UGGT2: variants seen among roughly 807,000 people sequenced by gnomAD.
UGGT2 encodes the protein UDP-glucose:glycoprotein glucosyltransferase 2.
A neutral mutation model predicts 192.1 loss-of-function variants in UGGT2; 180 were observed. That is an observed-to-expected ratio of 0.94 (90% CI 0.83 to 1.06). The LOEUF (loss-of-function observed/expected upper bound fraction) is 1.06. Among genes scored for constraint, UGGT2 ranks in the 50% least tolerant of loss-of-function variants. The probability of loss-of-function intolerance (pLI) is 0.00; values close to 1 mark genes in which losing one functional copy is unlikely to be tolerated. For missense variants in UGGT2, 1,849 were observed against 1,795.7 expected (o/e 1.03, Z -0.54); for synonymous variants, 580 against 591.0 (o/e 0.98, Z 0.27).
chr13:95,892,226 T>C (rs953514640), intron 24 of UGGT2, among the ~76,000 whole-genome samples: 8 of 152,154 alleles, frequency 5.3e-5, no homozygotes, highest in African/African-American at 1.9e-4. Flanking sequence ...TGAAGTTGTA[T>C]GAAGCAGAAT....
In UGGT2 at chr13:95,880,386, G is replaced by C. The variant is rs529610406; in HGVS notation, c.3229-2530C>G. 2.0e-5 allele frequency among the ~76,000 whole-genome samples: 3 copies of C among 152,314 alleles called. No individual in the cohort carries two copies. The East Asian group carries it at 5.8e-4, about 29-fold the overall frequency. On this transcript the variant is annotated intron_variant, in intron 27 of 38. Transcript: ENST00000376747. ...TATCTGATAGTGGAGATGGATAAAT[G>C]ATAGTACATCTTTTTCTTGCATCTT...
At chr13:95,967,099 C>A (rs1487789493) in intron 12 of UGGT2, among the ~76,000 whole-genome samples, 1 of 151,458 alleles carries the variant, frequency 6.6e-6, no homozygotes, top group African/African-American at 2.4e-5. Context: ...TGATAGTTTC[C>A]AGGAGAGAAA....
intron 15 of UGGT2, among the ~76,000 whole-genome samples, chr13:95,941,561 C>T (rs974704070): frequency 6.6e-6 from 1 of 151,948 alleles, no homozygotes; most frequent in East Asian, 1.9e-4. Context: ...CTGAATAAAG[C>T]AAAAGATAAA....
intron 29 of UGGT2, among the ~76,000 whole-genome samples, chr13:95,874,946 C>T (rs1891538251): frequency 6.6e-6 from 1 of 152,158 alleles, no homozygotes; most frequent in Non-Finnish European, 1.5e-5. Context: ...CCACCTTGGC[C>T]TCCCAAAGTG....
intron 20 of UGGT2, among the ~76,000 whole-genome samples, chr13:95,908,582 A>C (rs2048368355): frequency 1.3e-5 from 2 of 151,580 alleles, no homozygotes; most frequent in Admixed American, 1.3e-4. Context: ...AAGTGTTCCT[A>C]TTTCTCCACA....
rs12583165 is a variant in UGGT2 at position 95,912,764 on chromosome 13, C to G, written c.2296-9704G>C. Among the ~76,000 whole-genome samples, 26 of 152,142 alleles carry G rather than the reference C, an allele frequency of 1.7e-4. No homozygotes were observed. The East Asian group carries it at 4.4e-3, about 26-fold the overall frequency. On this transcript the variant is annotated intron_variant, in intron 20 of 38. Coordinates refer to ENST00000376747, the MANE Select transcript of UGGT2 (RefSeq NM_020121.4). Reference sequence around the variant, plus strand: ...TTAAAGTTCATATGGAACCAAAAAACAGCCTGCATTGCCAAGACAATCCTA... The same window carrying G: ...TTAAAGTTCATATGGAACCAAAAAAGAGCCTGCATTGCCAAGACAATCCTA...
Position 95,823,414 on chromosome 13 carries a change from G to C in UGGT2, c.4528+9513C>G, listed in dbSNP as rs147301849. On this transcript the variant is annotated intron_variant, in intron 38 of 38. Transcript: ENST00000376747. ...GTTGCTATTTTATTTGTTGGGTCTAGTAGTAACTGTTTTATAAATATGAGA... is the reference window on the plus strand; with the variant it reads ...GTTGCTATTTTATTTGTTGGGTCTACTAGTAACTGTTTTATAAATATGAGA... Among the ~76,000 whole-genome samples, 6 of 152,104 alleles carry C rather than the reference G, an allele frequency of 3.9e-5. No homozygotes were observed. The East Asian group carries it at 1.2e-3, about 29-fold the overall frequency.
intron 17 of UGGT2, among the ~76,000 whole-genome samples, chr13:95,936,176 G>A (rs1216945714): frequency 1.3e-5 from 2 of 152,166 alleles, no homozygotes; most frequent in African/African-American, 2.4e-5. Flanking sequence ...TCAAAAGACT[G>A]GTTTTCAAGC....
At chr13:95,853,690 G>T in intron 35 of UGGT2, 33 bp from the exon 36 acceptor site, 1 of 1,460,606 alleles carries the variant, frequency 6.8e-7, no homozygotes, top group Non-Finnish European at 9.2e-7. Flanking sequence ...GATAGCCTAT[G>T]TTGTTTATGT....
intron 7 of UGGT2, chr13:95,991,425 A>G: frequency 2.2e-6 from 1 of 451,802 alleles, no homozygotes; most frequent in Non-Finnish European, 4.4e-6. Context: ...AACTGGTGTG[A>G]GATGGTGTCT....
chr13:95,804,419 T>C (rs1214432668), intron 38 of UGGT2, among the ~76,000 whole-genome samples: 1 of 151,638 alleles, frequency 6.6e-6, no homozygotes, highest in Non-Finnish European at 1.5e-5. Context: ...AAAATCCCTA[T>C]AAAAACCCCA....
At chr13:95,998,242 T>G (rs1296937656) in intron 6 of UGGT2, among the ~76,000 whole-genome samples, 1 of 152,212 alleles carries the variant, frequency 6.6e-6, no homozygotes, top group Non-Finnish European at 1.5e-5. Context: ...ATGATACATA[T>G]GTGACCATCT....
intron 16 of UGGT2, 101 bp from the exon 17 acceptor site, chr13:95,937,189 A>G: frequency 7.7e-7 from 1 of 1,300,256 alleles, no homozygotes; most frequent in Non-Finnish European, 1.1e-6. Flanking sequence ...TGCCATAGGA[A>G]AAAACATCCA....
intron 36 of UGGT2, among the ~76,000 whole-genome samples, chr13:95,843,770 A>G (rs1888110141): frequency 6.6e-6 from 1 of 151,990 alleles, no homozygotes; most frequent in Non-Finnish European, 1.5e-5. Context: ...TCAAAAGTCA[A>G]CCGGCCATAT....
intron 10 of UGGT2, among the ~76,000 whole-genome samples, chr13:95,982,123 T>G (rs755326590): frequency 6.6e-6 from 1 of 152,314 alleles, no homozygotes. Flanking sequence ...GTGATGGCCA[T>G]AGTGGCCCTG....
At chr13:95,892,117 C>T (rs1031262551) in intron 24 of UGGT2, among the ~76,000 whole-genome samples, 15 of 152,098 alleles carry the variant, frequency 9.9e-5, no homozygotes, top group African/African-American at 3.6e-4. Flanking sequence ...TGTAACACCA[C>T]TCAAAACTGG....
intron 38 of UGGT2, among the ~76,000 whole-genome samples, chr13:95,814,479 T>C (rs1884723567): frequency 6.6e-6 from 1 of 152,182 alleles, no homozygotes; most frequent in African/African-American, 2.4e-5. Context: ...TTTTGGCCAA[T>C]TTTTTCCTTT....
At chr13:95,946,022 A>T (rs1242322088) in intron 15 of UGGT2, among the ~76,000 whole-genome samples, 2 of 151,320 alleles carry the variant, frequency 1.3e-5, no homozygotes, top group South Asian at 4.2e-4. Flanking sequence ...ATAAAAATGA[A>T]AAAAAACTTC....
chr13:95,951,522 G>A (rs1242416473), intron 12 of UGGT2, among the ~76,000 whole-genome samples: 1 of 152,188 alleles, frequency 6.6e-6, no homozygotes, highest in Non-Finnish European at 1.5e-5. Context: ...TCCCAATGGA[G>A]CTCAGAATCA....
Sources: gnomAD v4.1 joint callset for allele counts (sites outside exome capture counted in the v4.1 genomes callset) on GRCh38, gnomAD v4.1.1 for gene constraint, MANE v1.5 for transcripts, NCBI Gene and HGNC (gene_info 2026-07-23, HGNC 2026-07-21) for gene names.